Variants in PDLIM5 observed in about 807,000 individuals in gnomAD.
PDLIM5 encodes the protein PDZ and LIM domain 5, also known as PDZ and LIM domain protein 5.
PDLIM5 carries 34 observed loss-of-function variants against 64.2 expected under a neutral mutation model. The ratio of observed to expected loss-of-function variants is 0.53; its 90% CI spans 0.40 to 0.71. PDLIM5 has a LOEUF of 0.71. PDLIM5 is among the 30% of genes least tolerant of loss of function. The pLI is 0.00. For synonymous variants in PDLIM5, 253 were observed against 269.1 expected, an observed-to-expected ratio of 0.94 and a Z score of 0.59; for missense variants, 683 against 733.6, an observed-to-expected ratio of 0.93 and a Z score of 0.80.
At chr4:94,514,597 A>G (rs1460702689) in intron 2 of PDLIM5, among the ~76,000 whole-genome samples, 1 of 152,168 alleles carries the variant, frequency 6.6e-6, no homozygotes, top group African/African-American at 2.4e-5. Flanking sequence ...ACTTTTCAGA[A>G]CAGTTTAAGT....
chr4:94,541,735 C>G (rs1193049796), intron 3 of PDLIM5, among the ~76,000 whole-genome samples: 1 of 152,224 alleles, frequency 6.6e-6, no homozygotes, highest in Non-Finnish European at 1.5e-5. Context: ...CTCTGCCCAG[C>G]TGGAGGGGGC....
rs949510980 is a variant in PDLIM5, at chr4:94,664,252, T to C, written c.*185T>C. On this transcript the variant is annotated 3_prime_UTR_variant, in exon 13 of 13. Coordinates refer to ENST00000317968, the MANE Select transcript of PDLIM5 (RefSeq NM_006457.5). ...TTGGCTTCATAAAGTAAAGAGACGGTTTGGCATTTATTATTACTTTTTCCT... is the reference window on the plus strand; with the variant it reads ...TTGGCTTCATAAAGTAAAGAGACGGCTTGGCATTTATTATTACTTTTTCCT... The C allele has an allele frequency of 1.6e-5, 17 of 1,090,866 alleles. No homozygotes were observed. The highest frequency in any genetic ancestry group is 8.7e-5 in the Admixed American group (2 of 22,962). 67.6% of individuals were successfully genotyped at this position (1,090,866 alleles called of 1,614,324 possible).
intron 9 of PDLIM5, 49 bp downstream of exon 9, chr4:94,640,499 GGTT>G: frequency 9.4e-7 from 1 of 1,066,788 alleles, no homozygotes; most frequent in Non-Finnish European, 1.3e-6. Context: ...ATCAATGTTG[GGTT>G]TTTTTTTTTT....
At chr4:94,529,204 T>TA (rs1730638838) in intron 3 of PDLIM5, among the ~76,000 whole-genome samples, 4 of 152,124 alleles carry the variant, frequency 2.6e-5, no homozygotes, top group Admixed American at 1.3e-4. Context: ...AGAAATAACT[T>TA]ACAGTCACGG....
intron 2 of PDLIM5, among the ~76,000 whole-genome samples, chr4:94,513,231 C>A (rs1304894760): frequency 6.6e-6 from 1 of 152,044 alleles, no homozygotes; most frequent in Admixed American, 6.5e-5. Context: ...TATGTTTCCA[C>A]GTAAATTTTA....
chr4:94,567,027 T>A (rs1367465860), intron 3 of PDLIM5, among the ~76,000 whole-genome samples: 1 of 152,270 alleles, frequency 6.6e-6, no homozygotes, highest in East Asian at 1.9e-4. Context: ...GGAGTCTCGC[T>A]CTGTCGCCCA....
intron 7 of PDLIM5, 44 bp downstream of exon 7, chr4:94,586,488 G>A (rs546464874): frequency 1.8e-5 from 21 of 1,163,340 alleles, no homozygotes; most frequent in African/African-American, 1.4e-4. Flanking sequence ...TTCCTTTCAC[G>A]AATGGTCTCA....
At chr4:94,626,661 GT>G (rs1480659101) in intron 8 of PDLIM5, among the ~76,000 whole-genome samples, 1 of 151,976 alleles carries the variant, frequency 6.6e-6, no homozygotes, top group East Asian at 1.9e-4. Flanking sequence ...TAAGATTCTA[GT>G]TAATGTGTTT....
intron 2 of PDLIM5, among the ~76,000 whole-genome samples, chr4:94,511,273 TATC>T (rs1417506185): frequency 1.8e-4 from 28 of 152,360 alleles, no homozygotes; most frequent in African/African-American, 6.3e-4. Context: ...AGCAACCTAG[TATC>T]ATAGAACAGA....
chr4:94,592,330 TG>T (rs1232983808), intron 7 of PDLIM5, among the ~76,000 whole-genome samples: 2 of 152,224 alleles, frequency 1.3e-5, no homozygotes, highest in Non-Finnish European at 2.9e-5. Context: ...ATATAGCATT[TG>T]GAATCTTAAG....
chr4:94,535,642 G>A (rs11727629), intron 3 of PDLIM5, among the ~76,000 whole-genome samples: 18 of 152,078 alleles, frequency 1.2e-4, no homozygotes, highest in African/African-American at 4.1e-4. Flanking sequence ...TGGCATCACA[G>A]CATGGTGGTG....
At chr4:94,471,566 G>A (rs901500120) in intron 2 of PDLIM5, among the ~76,000 whole-genome samples, 6 of 151,900 alleles carry the variant, frequency 3.9e-5, no homozygotes, top group Non-Finnish European at 4.4e-5. Context: ...CATTTTTAGT[G>A]AACTGTATTC....
At chr4:94,633,355 G>A (rs1449631678) in intron 8 of PDLIM5, among the ~76,000 whole-genome samples, 1 of 152,062 alleles carries the variant, frequency 6.6e-6, no homozygotes, top group Non-Finnish European at 1.5e-5. Flanking sequence ...TAGAATCATT[G>A]TAAACTCATA....
At chr4:94,625,664 AG>A (rs1201158484) in intron 8 of PDLIM5, among the ~76,000 whole-genome samples, 2 of 152,058 alleles carry the variant, frequency 1.3e-5, no homozygotes, top group Non-Finnish European at 2.9e-5. Context: ...CGTGTTAGCC[AG>A]GATGGTCTCG....
At chr4:94,583,817 G>A (rs1017741839) in intron 5 of PDLIM5, among the ~76,000 whole-genome samples, 7 of 152,112 alleles carry the variant, frequency 4.6e-5, no homozygotes, top group Non-Finnish European at 8.8e-5. Context: ...AATCATAAAA[G>A]AATACATTAT....
At chr4:94,539,015 T>C (rs1010919885) in intron 3 of PDLIM5, among the ~76,000 whole-genome samples, 2 of 152,204 alleles carry the variant, frequency 1.3e-5, no homozygotes, top group African/African-American at 4.8e-5. Context: ...TAAAGTTTGC[T>C]GGGATCTTCA....
chr4:94,564,947 C>T (rs1320871524), intron 3 of PDLIM5, among the ~76,000 whole-genome samples: 1 of 152,116 alleles, frequency 6.6e-6, no homozygotes, highest in African/African-American at 2.4e-5. Context: ...TGAGCCGCCA[C>T]GCCCAGCCCG....
At chr4:94,492,861 T>A (rs561889234) in intron 2 of PDLIM5, among the ~76,000 whole-genome samples, 199 of 152,342 alleles carry the variant, frequency 1.3e-3, no homozygotes, top group Non-Finnish European at 2.6e-3. Context: ...TGTTGACAGA[T>A]ATTTTTATTG....
chr4:94,587,036 G>T, intron 7 of PDLIM5: 1 of 1,596,876 alleles, frequency 6.3e-7, no homozygotes, highest in Non-Finnish European at 8.5e-7. Context: ...ACAAAATTAC[G>T]TGACTGGCAC....
Sources: gnomAD v4.1 joint callset for allele counts (sites outside exome capture counted in the v4.1 genomes callset) on GRCh38, gnomAD v4.1.1 for gene constraint, MANE v1.5 for transcripts, NCBI Gene and HGNC (gene_info 2026-07-23, HGNC 2026-07-21) for gene names.